Variants in CCDC81 observed in about 807,000 individuals in gnomAD.
CCDC81 encodes coiled-coil domain-containing protein 81.
Under a neutral mutation model 83.7 loss-of-function variants are expected in CCDC81, and 79 were observed. The observed-to-expected ratio is 0.94, with a 90% CI of 0.79 to 1.14. The LOEUF is 1.14. Ranked by LOEUF, CCDC81 falls within the 50% of genes most tolerant of loss-of-function variation. The pLI is 0.00. For synonymous variants in CCDC81, 252 were observed against 278.1 expected (o/e 0.91, Z 0.93); for missense variants, 791 against 778.1 (o/e 1.02, Z -0.20).
At position 86,422,912 on chromosome 11, in the gene CCDC81, T is replaced by C. The variant is rs978646449; in HGVS notation, c.*197T>C. Reference sequence around the variant, plus strand: ...CACCCCCAATTATTTCCTATACTAGTTTCTGATGGCAGTGAAGGTGTCTGA... The same window carrying C: ...CACCCCCAATTATTTCCTATACTAGCTTCTGATGGCAGTGAAGGTGTCTGA... On this transcript the variant is annotated 3_prime_UTR_variant, in exon 15 of 15. Coordinates refer to ENST00000445632, the MANE Select transcript of CCDC81 (RefSeq NM_001156474.2). 3 of 579,878 alleles carry C rather than the reference T, an allele frequency of 5.2e-6. No homozygotes were observed. The highest frequency in any genetic ancestry group is 9.0e-6 in the Non-Finnish European group (3 of 332,936). The allele number at this position is 579,878 out of a possible 1,614,324, so 35.9% of individuals were successfully genotyped here.
At chr11:86,406,203 G>C (rs924230229) in intron 7 of CCDC81, among the ~76,000 whole-genome samples, 3 of 152,164 alleles carry the variant, frequency 2.0e-5, no homozygotes, top group Non-Finnish European at 4.4e-5. Flanking sequence ...GCTCTTGAGT[G>C]CTGATTCTTG....
At chr11:86,414,924 A>C in intron 12 of CCDC81, 57 bp downstream of exon 12, 2 of 1,463,268 alleles carry the variant, frequency 1.4e-6, no homozygotes, top group South Asian at 2.5e-5. Flanking sequence ...ATAACATCCT[A>C]AAATATGTGT....
At chr11:86,416,812 C>G (rs545836935) in intron 13 of CCDC81, among the ~76,000 whole-genome samples, 1 of 152,308 alleles carries the variant, frequency 6.6e-6, no homozygotes, top group African/African-American at 2.4e-5. Flanking sequence ...TGTCTTGTGA[C>G]TCATAGAAGG....
At chr11:86,386,636 G>A (rs1948244739) in intron 2 of CCDC81, among the ~76,000 whole-genome samples, 1 of 152,228 alleles carries the variant, frequency 6.6e-6, no homozygotes, top group African/African-American at 2.4e-5. Flanking sequence ...CTGGGAAGTT[G>A]TGGAACTTTT....
intron 1 of CCDC81, among the ~76,000 whole-genome samples, chr11:86,383,556 A>C (rs969462553): frequency 8.1e-4 from 123 of 152,350 alleles, no homozygotes; most frequent in Non-Finnish European, 2.4e-4. Context: ...AACTGAATAT[A>C]GAGTATATGT....
rs1948588513 is a variant in CCDC81 at position 86,408,166 on chromosome 11, T to A, written c.1009T>A (p.Ser337Thr). Reference protein sequence around the residue: ...YVCLQRAQRNSLLYYSEERRR... With the variant: ...YVCLQRAQRNTLLYYSEERRR... ...ATGTTTGCAACGAGCACAACGAAAT[T>A]CCCTGTTGTACTACAGTGAGGAAAG... The change falls in exon 9 of 15, where the codon TCC becomes ACC. Residue 337 changes from serine (S) to threonine (T), a missense_variant. By Grantham distance (58) the Ser-to-Thr change is moderately conservative. Transcript: ENST00000445632. The A allele has an allele frequency of 6.2e-7, 1 of 1,613,784 alleles. No homozygotes were observed. Among genetic ancestry groups the A allele is most frequent in the Non-Finnish European group, 8.5e-7 (1 of 1,179,882 alleles).
intron 1 of CCDC81, among the ~76,000 whole-genome samples, chr11:86,381,516 A>T (rs535517957): frequency 2.2e-4 from 34 of 152,264 alleles, no homozygotes; most frequent in African/African-American, 8.2e-4. Flanking sequence ...TGTTGTCCAC[A>T]CTGAGCCTCC....
chr11:86,411,896 A>G (rs1472595689), intron 10 of CCDC81, among the ~76,000 whole-genome samples: 1 of 152,236 alleles, frequency 6.6e-6, no homozygotes, highest in Non-Finnish European at 1.5e-5. Flanking sequence ...AAAAAGTGTC[A>G]AAGAATTGAA....
At chr11:86,411,302 G>A (rs557847658) in intron 10 of CCDC81, among the ~76,000 whole-genome samples, 1 of 152,082 alleles carries the variant, frequency 6.6e-6, no homozygotes, top group Non-Finnish European at 1.5e-5. Flanking sequence ...TGTTCCTTCT[G>A]TATGGAACAC....
intron 7 of CCDC81, among the ~76,000 whole-genome samples, chr11:86,402,267 T>C (rs1221206654): frequency 6.6e-6 from 1 of 152,020 alleles, no homozygotes; most frequent in African/African-American, 2.4e-5. Context: ...ATAATCCCTC[T>C]ACATAGAGGA....
chr11:86,402,342 T>C (rs1314135711), intron 7 of CCDC81, among the ~76,000 whole-genome samples: 1 of 152,110 alleles, frequency 6.6e-6, no homozygotes, highest in Non-Finnish European at 1.5e-5. Flanking sequence ...ATACAGATAC[T>C]TACACTTGGA....
chr11:86,412,711 G>A, intron 11 of CCDC81, 152 bp downstream of exon 11: 1 of 719,416 alleles, frequency 1.4e-6, no homozygotes. Context: ...ACTGAAATGG[G>A]AAAAGTTCCC....
At chr11:86,400,391 T>A (rs1011899048) in intron 6 of CCDC81, among the ~76,000 whole-genome samples, 1 of 152,188 alleles carries the variant, frequency 6.6e-6, no homozygotes, top group Non-Finnish European at 1.5e-5. Flanking sequence ...CACTGTTCAT[T>A]TTTCATGAGA....
Position 86,387,549 on chromosome 11 carries a change from T to G in CCDC81, c.175T>G (p.Phe59Val), listed in dbSNP as rs1948260504. 6.2e-7 allele frequency: 1 copy of G among 1,614,114 alleles called. No individual in the cohort carries two copies. The highest frequency in any genetic ancestry group is 8.5e-7 in the Non-Finnish European group (1 of 1,179,982). Reference sequence around the variant, plus strand: ...GATTCCAGCATTTGGAACTTTCACTTTCATAAGACAAAAGCTTGAGGTGGG... The same window carrying G: ...GATTCCAGCATTTGGAACTTTCACTGTCATAAGACAAAAGCTTGAGGTGGG... The part of the protein sequence containing the change: ...VQIPAFGTFT[F>V]IRQKLEVGNN... Residue 59 changes from phenylalanine (F) to valine (V), a missense_variant, in exon 3 of 15, where the codon TTC becomes GTC. Transcript: ENST00000445632.
chr11:86,417,236 CAAA>C (rs35734072), intron 13 of CCDC81, among the ~76,000 whole-genome samples: 1 of 135,204 alleles, frequency 7.4e-6, no homozygotes, highest in Non-Finnish European at 1.6e-5. Context: ...GAGATTGCCT[CAAA>C]AAAAAAAAAA....
At chr11:86,396,809 G>T (rs566647591) in intron 5 of CCDC81, among the ~76,000 whole-genome samples, 1 of 152,284 alleles carries the variant, frequency 6.6e-6, no homozygotes, top group East Asian at 1.9e-4. Flanking sequence ...GGATTGAAAA[G>T]AATTTTATTT....
In CCDC81 at chr11:86,422,736, G is replaced by A. The variant is rs188235561; in HGVS notation, c.*21G>A. 136 of 1,606,676 alleles carry A rather than the reference G, an allele frequency of 8.5e-5. No homozygotes were observed. In the Admixed American group the frequency reaches 1.7e-3, roughly 20 times the overall value. ...TGTAAAACTCAAAGTTTGGCTCTTC[G>A]TTTCCCGGGGAAAGTTTTTATCTTT... is the stretch of plus-strand genomic sequence containing the variant. On this transcript the variant is annotated 3_prime_UTR_variant, in exon 15 of 15. Coordinates refer to ENST00000445632, the MANE Select transcript of CCDC81 (RefSeq NM_001156474.2).
intron 5 of CCDC81, among the ~76,000 whole-genome samples, chr11:86,395,850 T>TG (rs1239887392): frequency 1.3e-5 from 2 of 152,184 alleles, no homozygotes; most frequent in Non-Finnish European, 2.9e-5. Flanking sequence ...CTCGAACTCC[T>TG]GGTCTCAAGT....
intron 7 of CCDC81, among the ~76,000 whole-genome samples, chr11:86,406,256 AT>A (rs1948564111): frequency 6.6e-6 from 1 of 151,836 alleles, no homozygotes; most frequent in Non-Finnish European, 1.5e-5. Flanking sequence ...ATATTGCTCC[AT>A]TTTCTCCTGA....
Sources: allele counts gnomAD v4.1 joint callset (sites outside exome capture counted in the v4.1 genomes callset), GRCh38; gene constraint gnomAD v4.1.1; transcripts MANE v1.5; gene names NCBI Gene and HGNC (gene_info 2026-07-23, HGNC 2026-07-21).